Variants in DZIP3 observed in about 807,000 individuals in gnomAD.
The protein encoded by DZIP3 is E3 ubiquitin-protein ligase DZIP3.
Under a neutral mutation model 162.0 loss-of-function variants are expected in DZIP3, and 118 were observed. That is an observed-to-expected ratio of 0.73 (90% CI 0.63 to 0.85). The LOEUF (loss-of-function observed/expected upper bound fraction) is 0.85, where lower values mean the gene tolerates loss of function less well. Among genes scored for constraint, DZIP3 ranks in the 40% least tolerant of loss-of-function variants. The pLI is 0.00. For synonymous variants in DZIP3, 438 were observed against 458.6 expected, an observed-to-expected ratio of 0.96 and a Z score of 0.57; for missense variants, 1,331 against 1,407.0, an observed-to-expected ratio of 0.95 and a Z score of 0.86.
intron 21 of DZIP3, among the ~76,000 whole-genome samples, chr3:108,665,147 A>G (rs1449766401): frequency 6.6e-6 from 1 of 152,204 alleles, no homozygotes; most frequent in Non-Finnish European, 1.5e-5. Flanking sequence ...AAATGACAAT[A>G]TTAATATTAT....
At chr3:108,688,789 G>A (rs370949583) in intron 30 of DZIP3, 34 bp from the exon 31 acceptor site, 4 of 1,613,772 alleles carry the variant, frequency 2.5e-6, no homozygotes, top group Admixed American at 1.7e-5. Context: ...AGAAAACAAT[G>A]AGCTAAATTT....
intron 20 of DZIP3, 32 bp from the exon 21 acceptor site, chr3:108,662,098 A>G (rs1943465112): frequency 6.4e-7 from 1 of 1,574,166 alleles, no homozygotes; most frequent in Non-Finnish European, 8.6e-7. Context: ...ACTTGAACAT[A>G]ATTATCTGAA....
chr3:108,662,291 G>T, intron 21 of DZIP3, 34 bp downstream of exon 21: 1 of 1,561,108 alleles, frequency 6.4e-7, no homozygotes. Context: ...GGGAAATTCT[G>T]CGCCGTAATA....
Position 108,634,951 on chromosome 3 carries a change from G to A in DZIP3, c.897G>A (p.Lys299=), listed in dbSNP as rs752448721. 26 of 1,604,524 alleles carry A rather than the reference G, an allele frequency of 1.6e-5. 1 individual carries two copies. In the South Asian group the frequency reaches 2.3e-4, roughly 14 times the overall value. The change falls in exon 10 of 33, where the codon AAG becomes AAA. Residue 299 remains lysine, a synonymous_variant. Coordinates refer to ENST00000361582, the MANE Select transcript of DZIP3 (RefSeq NM_014648.4). ...GCTGGAAAAAGTTCAAGAATTTAAA[G>A]TATCCAGGTGAAAATGATCAGGTAT... ...KICWKKFKNL[K]YPGENDQSFS... is the part of the protein sequence containing the mutation.
chr3:108,653,549 T>G (rs1576421100), intron 18 of DZIP3, among the ~76,000 whole-genome samples: 1 of 120,324 alleles, frequency 8.3e-6, no homozygotes, highest in East Asian at 2.0e-4. Context: ...ATATGTAGTA[T>G]TTTCATTTTT....
chr3:108,651,995 G>A lies in DZIP3; in HGVS notation c.2033+833G>A, dbSNP rs796237610. 1.3e-4 allele frequency among the ~76,000 whole-genome samples: 20 copies of A among 151,922 alleles called. 2 individuals are homozygous for A. The highest frequency in any genetic ancestry group is 4.1e-4 in the African/African-American group (17 of 41,536). ...GTATATAAAATAGTTCATCATTTAA[G>A]TTGTGTTTTCACTTTCTTTGGCAAC... On this transcript the variant is annotated intron_variant, in intron 18 of 32. Coordinates refer to ENST00000361582, the MANE Select transcript of DZIP3 (RefSeq NM_014648.4).
At chr3:108,677,416 C>T in intron 25 of DZIP3, 81 bp from the exon 26 acceptor site, 12 of 1,124,210 alleles carry the variant, frequency 1.1e-5, no homozygotes, top group Admixed American at 3.7e-5. Flanking sequence ...TTGTATTATT[C>T]AAAACTACAT....
chr3:108,592,665 C>A (rs1343505199), intron 1 of DZIP3, among the ~76,000 whole-genome samples: 1 of 146,526 alleles, frequency 6.8e-6, no homozygotes, highest in Non-Finnish European at 1.5e-5. Context: ...CACTGCACTC[C>A]AGCCTGGGCA....
chr3:108,644,854 C>T, intron 14 of DZIP3, 73 bp downstream of exon 14: 1 of 1,419,748 alleles, frequency 7.0e-7, no homozygotes, highest in African/African-American at 1.4e-5. Context: ...AGGCACAGTG[C>T]AAAGGGCAAG....
intron 8 of DZIP3, among the ~76,000 whole-genome samples, chr3:108,629,756 C>A (rs569241279): frequency 2.0e-5 from 3 of 151,500 alleles, no homozygotes; most frequent in South Asian, 2.1e-4. Flanking sequence ...TTATACAATG[C>A]GATTTTGCCA....
chr3:108,673,948 G>A, intron 23 of DZIP3, 130 bp from the exon 24 acceptor site: 1 of 686,242 alleles, frequency 1.5e-6, no homozygotes, highest in Non-Finnish European at 2.5e-6. Flanking sequence ...TATCTTGAAT[G>A]GTCAAGGAAC....
intron 17 of DZIP3, among the ~76,000 whole-genome samples, chr3:108,649,893 T>C (rs1576415669): frequency 6.6e-6 from 1 of 151,880 alleles, no homozygotes. Flanking sequence ...TTAAATTTTA[T>C]TTTTTAAAGA....
In DZIP3 at chr3:108,690,774, T is replaced by C. The variant is rs1944661268; in HGVS notation, c.3517-13T>C. 5.6e-6 allele frequency: 9 copies of C among 1,612,322 alleles called. No individual in the cohort carries two copies. The highest frequency in any genetic ancestry group is 7.6e-6 in the Non-Finnish European group (9 of 1,178,674). The stretch of plus-strand genomic sequence containing the variant: ...ACATCTGAGAGACTGACATAAATCT[T>C]TTTGCTCCTTAGTGCATTAGACCAT... On this transcript the variant is annotated splice_polypyrimidine_tract_variant and intron_variant, in intron 31 of 32. Transcript: ENST00000361582.
intron 1 of DZIP3, among the ~76,000 whole-genome samples, chr3:108,600,865 G>T (rs963574392): frequency 6.6e-6 from 1 of 152,130 alleles, no homozygotes; most frequent in Non-Finnish European, 1.5e-5. Flanking sequence ...TAATCACTCT[G>T]TAAGGGTATG....
intron 32 of DZIP3, among the ~76,000 whole-genome samples, chr3:108,692,324 A>G (rs1462602858): frequency 2.6e-5 from 4 of 152,084 alleles, no homozygotes; most frequent in Non-Finnish European, 4.4e-5. Flanking sequence ...ACTCAATCCT[A>G]CTTTCTTCTC....
At chr3:108,684,105 A>G (rs78832737) in intron 26 of DZIP3, 111 bp from the exon 27 acceptor site, 11 of 1,256,062 alleles carry the variant, frequency 8.8e-6, no homozygotes, top group Non-Finnish European at 1.1e-5. Flanking sequence ...TTGAGTTCAA[A>G]TGAGTGTTCC....
intron 21 of DZIP3, among the ~76,000 whole-genome samples, chr3:108,663,488 G>A (rs182024762): frequency 1.5e-4 from 23 of 151,830 alleles, no homozygotes; most frequent in Middle Eastern, 6.8e-3. Context: ...CCCAGGAGGC[G>A]GAGGTTGCAG....
chr3:108,669,586 C>A, intron 21 of DZIP3, 95 bp from the exon 22 acceptor site: 1 of 1,114,698 alleles, frequency 9.0e-7, no homozygotes, highest in Non-Finnish European at 1.3e-6. Flanking sequence ...AATGGACATA[C>A]TTTATCTCCT....
intron 1 of DZIP3, among the ~76,000 whole-genome samples, chr3:108,592,894 A>G (rs2107413162): frequency 6.6e-6 from 1 of 152,222 alleles, no homozygotes; most frequent in East Asian, 1.9e-4. Context: ...CCCTTCCAGT[A>G]TTTGTTGTCT....
Sources: gnomAD v4.1 joint callset for allele counts (sites outside exome capture counted in the v4.1 genomes callset) on GRCh38, gnomAD v4.1.1 for gene constraint, MANE v1.5 for transcripts, NCBI Gene and HGNC (gene_info 2026-07-23, HGNC 2026-07-21) for gene names.